C10orf143: variants seen among roughly 807,000 people sequenced by gnomAD.
The protein encoded by C10orf143 is uncharacterized protein C10orf143.
At chr10:130,107,434 G>C (rs567033836) in intron 1 of C10orf143, 3 of 1,346,292 alleles carry the variant, frequency 2.2e-6, no homozygotes, top group East Asian at 4.6e-5. Flanking sequence ...ATAACTGGTT[G>C]GCAGCTTGGG....
At chr10:130,106,381 A>G in intron 1 of C10orf143, 4 of 1,602,636 alleles carry the variant, frequency 2.5e-6, no homozygotes, top group Non-Finnish European at 3.4e-6. Flanking sequence ...CGTCATCGTT[A>G]GAGGATGCCA....
intron 3 of C10orf143, among the ~76,000 whole-genome samples, chr10:130,037,884 ATTGCGGCAGGTTAG>A (rs1860563274): frequency 1.3e-5 from 2 of 152,090 alleles, no homozygotes; most frequent in African/African-American, 4.8e-5. Flanking sequence ...CTTTTCCCAT[ATTGCGGCAGGTTAG>A]AAGTCTAAGC....
intron 1 of C10orf143, chr10:130,106,501 A>T (rs763388804): frequency 1.1e-5 from 17 of 1,601,222 alleles, no homozygotes; most frequent in Non-Finnish European, 1.0e-5. Context: ...AAAAAGAGTT[A>T]AAAGAAGAGA....
At chr10:130,107,227 C>G (rs757703486) in intron 1 of C10orf143, 33 of 1,319,820 alleles carry the variant, frequency 2.5e-5, no homozygotes, top group Non-Finnish European at 3.3e-5. Flanking sequence ...AAATGAAACT[C>G]TACAGGAAAT....
intron 1 of C10orf143, chr10:130,107,277 A>G: frequency 8.6e-7 from 1 of 1,163,002 alleles, no homozygotes; most frequent in Non-Finnish European, 1.3e-6. Context: ...AAAGAAGAGA[A>G]ACTTTCTAAG....
At chr10:130,046,395 C>T (rs1278263696) in intron 3 of C10orf143, among the ~76,000 whole-genome samples, 2 of 152,098 alleles carry the variant, frequency 1.3e-5, no homozygotes, top group Non-Finnish European at 2.9e-5. Flanking sequence ...TTGCGGGACC[C>T]CACACGGAAG....
downstream of C10orf143, among the ~76,000 whole-genome samples, chr10:130,059,318 T>C (rs375167420): frequency 8.6e-5 from 13 of 152,044 alleles, no homozygotes; most frequent in East Asian, 1.9e-3. Context: ...AAATGATATA[T>C]AAATATCATT....
At chr10:130,105,338 T>C (rs1431855372) in intron 1 of C10orf143, among the ~76,000 whole-genome samples, 1 of 152,236 alleles carries the variant, frequency 6.6e-6, no homozygotes, top group Non-Finnish European at 1.5e-5. Flanking sequence ...GTTCTACCAT[T>C]TACTAGCTGT....
intron 1 of C10orf143, among the ~76,000 whole-genome samples, chr10:130,110,089 AC>A (rs1861735292): frequency 6.6e-6 from 1 of 151,454 alleles, no homozygotes; most frequent in South Asian, 2.1e-4. Context: ...CATCCTGCCT[AC>A]CCCCGGTCAT....
At chr10:130,106,911 ATAACTTAGAAG>A (rs1564972817) in intron 1 of C10orf143, 1 of 1,031,186 alleles carries the variant, frequency 9.7e-7, no homozygotes, top group Admixed American at 1.7e-5. Context: ...ACGGATGATG[ATAACTTAGAAG>A]TGAACAGTGA....
At chr10:130,038,554 G>T (rs530482320) in intron 3 of C10orf143, among the ~76,000 whole-genome samples, 28 of 152,216 alleles carry the variant, frequency 1.8e-4, no homozygotes, top group African/African-American at 6.5e-4. Flanking sequence ...GGAGGAAAAT[G>T]GTTTCGGGGG....
chr10:130,084,872 G>C (rs746291243), intron 1 of C10orf143, among the ~76,000 whole-genome samples: 1 of 152,132 alleles, frequency 6.6e-6, no homozygotes, highest in Non-Finnish European at 1.5e-5. Flanking sequence ...CAAAAACTTA[G>C]AAAGTTCTTG....
At chr10:130,078,200 TA>T (rs1319755679) in intron 3 of C10orf143, among the ~76,000 whole-genome samples, 1 of 152,146 alleles carries the variant, frequency 6.6e-6, no homozygotes, top group African/African-American at 2.4e-5. Context: ...TTGCTTGAAC[TA>T]AATTTTTTTT....
At chr10:130,077,445 A>G (rs1052812181) in intron 3 of C10orf143, among the ~76,000 whole-genome samples, 1 of 152,176 alleles carries the variant, frequency 6.6e-6, no homozygotes, top group Non-Finnish European at 1.5e-5. Flanking sequence ...CACCAAATAA[A>G]CTGAGAATCA....
intron 1 of C10orf143, among the ~76,000 whole-genome samples, chr10:130,089,122 G>A (rs1861340960): frequency 6.6e-6 from 1 of 152,202 alleles, no homozygotes; most frequent in Non-Finnish European, 1.5e-5. Flanking sequence ...AATTCTAGGG[G>A]AGTGAGTTAT....
chr10:130,067,936 G>A (rs2134749524), intron 3 of C10orf143: 1 of 152,536 alleles, frequency 6.6e-6, no homozygotes, highest in East Asian at 1.9e-4. Context: ...TTGTCACAAA[G>A]TTGTCCTGGG....
downstream of C10orf143, among the ~76,000 whole-genome samples, chr10:130,060,027 T>A (rs906306204): frequency 6.7e-5 from 10 of 150,320 alleles, no homozygotes; most frequent in South Asian, 4.2e-4. Context: ...ATATTCTGTC[T>A]GGTATTTGCA....
intron 3 of C10orf143, among the ~76,000 whole-genome samples, chr10:130,037,443 T>C (rs1860557193): frequency 6.6e-6 from 1 of 152,208 alleles, no homozygotes; most frequent in South Asian, 2.1e-4. Context: ...CTGCCTGCTG[T>C]GGGTGGACCA....
At chr10:130,050,660 C>T (rs1352638772) in intron 3 of C10orf143, among the ~76,000 whole-genome samples, 2 of 152,178 alleles carry the variant, frequency 1.3e-5, no homozygotes, top group Non-Finnish European at 2.9e-5. Flanking sequence ...GCCGTTTCTA[C>T]CTCCATTACC....
Sources: gnomAD v4.1 joint callset for allele counts (sites outside exome capture counted in the v4.1 genomes callset) on GRCh38, gnomAD v4.1.1 for gene constraint, MANE v1.5 for transcripts, NCBI Gene and HGNC (gene_info 2026-07-23, HGNC 2026-07-21) for gene names.